The following XKR9 variants were observed in gnomAD, a reference collection of about 807,000 sequenced individuals.
XKR9 encodes the protein XK-related protein 9.
XKR9 carries 32 observed loss-of-function variants against 32.0 expected under a neutral mutation model. The ratio of observed to expected loss-of-function variants is 1.00; its 90% CI spans 0.76 to 1.34. XKR9 has a LOEUF of 1.34. Among genes scored for constraint, XKR9 ranks in the 40% most tolerant of loss-of-function variants. The pLI, the probability that XKR9 is intolerant of heterozygous loss-of-function variation, is 0.00. For synonymous variants in XKR9, 168 were observed against 143.4 expected, an observed-to-expected ratio of 1.17 and a Z score of -1.22; for missense variants, 546 against 429.7, an observed-to-expected ratio of 1.27 and a Z score of -2.39.
At chr8:70,876,354 G>T in the XKR9 span, among the ~76,000 whole-genome samples, 1 of 151,398 alleles carries the variant, frequency 6.6e-6, no homozygotes, top group Non-Finnish European at 1.5e-5. Context: ...TAGGATTACA[G>T]GTGTGCACCA....
the XKR9 span, among the ~76,000 whole-genome samples, chr8:71,021,088 G>A: frequency 6.6e-6 from 1 of 152,270 alleles, no homozygotes; most frequent in Admixed American, 6.5e-5. Context: ...ATCACATGGT[G>A]AGAGAGGAAG....
intron 2 of XKR9, among the ~76,000 whole-genome samples, chr8:70,778,546 C>A (rs551153043): frequency 2.6e-5 from 4 of 152,114 alleles, no homozygotes; most frequent in Non-Finnish European, 5.9e-5. Context: ...GGCAGTATGA[C>A]CATTTTCATG....
chr8:71,022,710 T>G, the XKR9 span, among the ~76,000 whole-genome samples: 3 of 152,172 alleles, frequency 2.0e-5, no homozygotes, highest in East Asian at 5.8e-4. Context: ...AAAAGTAGGT[T>G]TTCTATGCCA....
At chr8:70,880,857 C>A in the XKR9 span, among the ~76,000 whole-genome samples, 1 of 152,158 alleles carries the variant, frequency 6.6e-6, no homozygotes, top group African/African-American at 2.4e-5. Flanking sequence ...CATCACGCTA[C>A]CTGACTTCAA....
the XKR9 span, among the ~76,000 whole-genome samples, chr8:70,798,392 T>A: frequency 6.8e-6 from 1 of 147,358 alleles, no homozygotes; most frequent in Non-Finnish European, 1.5e-5. Flanking sequence ...GCCCATTTTT[T>A]AATGAGGTAG....
intron 2 of XKR9, among the ~76,000 whole-genome samples, chr8:70,680,039 GAA>G (rs1214622634): frequency 6.6e-6 from 1 of 151,746 alleles, no homozygotes. Flanking sequence ...AGTATAGAGA[GAA>G]AACAACTGAA....
At chr8:71,028,569 A>G in the XKR9 span, among the ~76,000 whole-genome samples, 2 of 152,190 alleles carry the variant, frequency 1.3e-5, no homozygotes, top group East Asian at 3.8e-4. Flanking sequence ...GATCTATTGC[A>G]TAACATGGTG....
chr8:70,703,167 GT>G (rs34811905), intron 3 of XKR9, among the ~76,000 whole-genome samples: 78,887 of 148,174 alleles, frequency 0.53, 21,736 homozygotes, highest in Middle Eastern at 0.63. Flanking sequence ...TTTTCCAAGT[GT>G]TTTTTTTTTG....
At chr8:71,041,818 G>T in the XKR9 span, among the ~76,000 whole-genome samples, 1 of 151,884 alleles carries the variant, frequency 6.6e-6, no homozygotes, top group African/African-American at 2.4e-5. Flanking sequence ...TTCCCCTTCC[G>T]TCATGATTGT....
chr8:70,683,433 A>T, intron 3 of XKR9: 1 of 413,858 alleles, frequency 2.4e-6, no homozygotes. Flanking sequence ...CCATATATTT[A>T]TACTCTCTTT....
At chr8:71,003,371 A>T in the XKR9 span, among the ~76,000 whole-genome samples, 299 of 152,342 alleles carry the variant, frequency 2.0e-3, 1 homozygote, top group African/African-American at 7.0e-3. Flanking sequence ...ACCTTGATAC[A>T]TGTCATTTAA....
At chr8:70,755,706 T>C (rs1293004477) in intron 2 of XKR9, among the ~76,000 whole-genome samples, 2 of 127,098 alleles carry the variant, frequency 1.6e-5, no homozygotes, top group Non-Finnish European at 3.1e-5. Flanking sequence ...GGGAATTGAA[T>C]AATGAGAACC....
the XKR9 span, among the ~76,000 whole-genome samples, chr8:70,977,026 C>T: frequency 6.6e-6 from 1 of 152,168 alleles, no homozygotes; most frequent in Non-Finnish European, 1.5e-5. Flanking sequence ...ATAGTATTCT[C>T]TGATGGTAGT....
At chr8:70,860,966 C>A in the XKR9 span, among the ~76,000 whole-genome samples, 1 of 152,078 alleles carries the variant, frequency 6.6e-6, no homozygotes, top group Admixed American at 6.6e-5. Context: ...GCTATTGTTA[C>A]GCTTATTATT....
chr8:71,034,549 T>C, the XKR9 span, among the ~76,000 whole-genome samples: 22 of 152,338 alleles, frequency 1.4e-4, no homozygotes, highest in Non-Finnish European at 2.9e-4. Flanking sequence ...TGAATTGTCA[T>C]GTAAGAATCT....
the XKR9 span, among the ~76,000 whole-genome samples, chr8:71,038,609 C>T: frequency 1.3e-3 from 204 of 151,332 alleles, no homozygotes; most frequent in Non-Finnish European, 2.1e-3. Flanking sequence ...TGAGCCACCG[C>T]GCCTGGCCAA....
chr8:70,797,084 A>G, the XKR9 span, among the ~76,000 whole-genome samples: 8 of 152,234 alleles, frequency 5.3e-5, no homozygotes, highest in Admixed American at 5.2e-4. Flanking sequence ...GACCTCTGTC[A>G]AAATGCAAGG....
the XKR9 span, among the ~76,000 whole-genome samples, chr8:70,889,873 A>G: frequency 6.6e-6 from 1 of 152,062 alleles, no homozygotes; most frequent in South Asian, 2.1e-4. Flanking sequence ...TAGTGCTGCA[A>G]TGAACATAAG....
the XKR9 span, among the ~76,000 whole-genome samples, chr8:70,947,423 G>T: frequency 5.3e-5 from 8 of 152,308 alleles, no homozygotes; most frequent in East Asian, 9.6e-4. Context: ...AAGGAAGAAT[G>T]AGAGGGACAT....
Sources: allele counts gnomAD v4.1 joint callset (sites outside exome capture counted in the v4.1 genomes callset), GRCh38; gene constraint gnomAD v4.1.1; transcripts MANE v1.5; gene names NCBI Gene and HGNC (gene_info 2026-07-23, HGNC 2026-07-21).